The following THAP4 variants were observed in gnomAD, a reference collection of about 807,000 sequenced individuals.
THAP4 encodes the protein peroxynitrite isomerase THAP4.
THAP4 carries 18 observed loss-of-function variants against 48.1 expected under a neutral mutation model. The observed-to-expected ratio is 0.37, with a 90% CI of 0.26 to 0.56. The LOEUF is 0.56. Ranked by LOEUF, THAP4 falls within the 20% of genes least tolerant of loss-of-function variation. The probability of loss-of-function intolerance (pLI) is 0.78; values close to 1 mark genes in which losing one functional copy is unlikely to be tolerated. For synonymous variants in THAP4, 345 were observed against 324.9 expected, an observed-to-expected ratio of 1.06 and a Z score of -0.66; for missense variants, 656 against 774.9, an observed-to-expected ratio of 0.85 and a Z score of 1.82.
rs1236934088 is a variant in THAP4 at position 241,612,079 on chromosome 2, A to G, written c.1241-5606T>C. Among the ~76,000 whole-genome samples the G allele has an allele frequency of 6.6e-6, 1 of 152,162 alleles. No individual in the cohort carries two copies. Among genetic ancestry groups the G allele is most frequent in the East Asian group, 1.9e-4 (1 of 5,198 alleles). ...AAGAAAGACCACTAACTAAACATGT[A>G]AGAACTCAGGAGAGAAACGGCAAGG... On this transcript the variant is annotated intron_variant, in intron 2 of 5. Transcript: ENST00000407315. The surrounding 1 kb of genome is among the most constrained non-coding windows in gnomAD (Gnocchi z 4.1).
intron 1 of THAP4, among the ~76,000 whole-genome samples, 188 bp downstream of exon 1, chr2:241,636,753 G>A (rs1311910806): frequency 3.3e-5 from 5 of 150,820 alleles, no homozygotes; most frequent in African/African-American, 1.2e-4. Flanking sequence ...GGGCGGCTGC[G>A]CTGCCCGAGG....
chr2:241,627,537 C>T (rs2067508867), intron 2 of THAP4, among the ~76,000 whole-genome samples: 1 of 152,218 alleles, frequency 6.6e-6, no homozygotes, highest in African/African-American at 2.4e-5. Flanking sequence ...TGGCTTCAAC[C>T]CACCTCTGAA....
At chr2:241,599,635 C>T (rs1405192277) in intron 5 of THAP4, among the ~76,000 whole-genome samples, 1 of 151,886 alleles carries the variant, frequency 6.6e-6, no homozygotes, top group Non-Finnish European at 1.5e-5. Flanking sequence ...CAAAACATGA[C>T]CTAAAGTCAC....
chr2:241,609,256 G>C (rs2067230999), intron 2 of THAP4, among the ~76,000 whole-genome samples: 1 of 152,230 alleles, frequency 6.6e-6, no homozygotes, highest in Admixed American at 6.5e-5. Flanking sequence ...AAACACGTAA[G>C]AAAAGATGGT....
At chr2:241,623,007 G>C (rs1020212762) in intron 2 of THAP4, among the ~76,000 whole-genome samples, 4 of 149,814 alleles carry the variant, frequency 2.7e-5, no homozygotes, top group Non-Finnish European at 5.9e-5. Context: ...CACAATGTCA[G>C]GAGATCGAGA....
intron 5 of THAP4, chr2:241,594,691 GA>G (rs1207642910): frequency 1.0e-5 from 2 of 197,140 alleles, no homozygotes; most frequent in African/African-American, 4.7e-5. Flanking sequence ...CTGGGAGCCA[GA>G]AGTTGCAGCG....
intron 2 of THAP4, among the ~76,000 whole-genome samples, chr2:241,607,885 G>A (rs1170686627): frequency 8.1e-6 from 1 of 123,108 alleles, no homozygotes; most frequent in African/African-American, 3.3e-5. Flanking sequence ...CTCCAGGCCC[G>A]CGCAAGCAGA....
At chr2:241,615,831 C>A (rs1373906063) in intron 2 of THAP4, among the ~76,000 whole-genome samples, 3 of 152,324 alleles carry the variant, frequency 2.0e-5, no homozygotes, top group East Asian at 3.9e-4. Context: ...TCCCCGTGCC[C>A]CAAGCCCACG....
chr2:241,605,056 CT>C (rs1195804565), intron 3 of THAP4, among the ~76,000 whole-genome samples: 1 of 152,210 alleles, frequency 6.6e-6, no homozygotes, highest in Non-Finnish European at 1.5e-5. Flanking sequence ...AATTGACTTT[CT>C]GACCTTTTCG....
chr2:241,602,091 A>T, intron 4 of THAP4, 92 bp from the exon 5 acceptor site: 1 of 1,232,722 alleles, frequency 8.1e-7, no homozygotes, highest in Non-Finnish European at 1.1e-6. Flanking sequence ...GGGACTCCAC[A>T]GGAGGCCCCA....
chr2:241,620,573 G>A (rs566271370), intron 2 of THAP4, among the ~76,000 whole-genome samples: 1 of 144,984 alleles, frequency 6.9e-6, no homozygotes, highest in South Asian at 2.3e-4. Context: ...GAGTGAGTCG[G>A]TGAGTGAGGG....
intron 3 of THAP4, among the ~76,000 whole-genome samples, chr2:241,603,670 C>A (rs947511493): frequency 6.6e-6 from 1 of 152,228 alleles, no homozygotes; most frequent in Non-Finnish European, 1.5e-5. Context: ...TTGCAGTAAA[C>A]CTCACCCTAA....
intron 2 of THAP4, among the ~76,000 whole-genome samples, chr2:241,630,834 T>C (rs1221445230): frequency 6.6e-6 from 1 of 151,178 alleles, no homozygotes; most frequent in Non-Finnish European, 1.5e-5. Context: ...CTCACAACTG[T>C]AGCCAACATG....
At position 241,633,858 on chromosome 2, in the gene THAP4, G is replaced by C. The variant is rs1428386719; in HGVS notation, c.299C>G (p.Thr100Ser). 1.9e-6 allele frequency: 3 copies of C among 1,613,822 alleles called. No homozygotes were observed. Among genetic ancestry groups the C allele is most frequent in the Non-Finnish European group, 2.5e-6 (3 of 1,179,764 alleles). The change falls in exon 2 of 6, where the codon ACC becomes AGC. Residue 100 changes from threonine to serine, a missense_variant. By Grantham distance (58) the Thr-to-Ser change is moderately conservative. Around this residue, in one of 4 missense-constraint regions of THAP4, gnomAD observed 391 missense variants for 412.4 expected, o/e 0.95. Transcript: ENST00000407315. This position sits in a 1 kb window ranked among gnomAD's most constrained non-coding sequence, Gnocchi z 7.5. ...GGCCTTGCTGGCATCTTTTCTCCGG[G>C]TGCGGCCATGGCCTCCAGCCCCCCT... is the stretch of plus-strand genomic sequence containing the variant. ...KKRGAGGHGRTRRKDASKATG... is the reference protein window; with the variant it reads ...KKRGAGGHGRSRRKDASKATG...
intron 5 of THAP4, among the ~76,000 whole-genome samples, chr2:241,599,006 C>G (rs2067082227): frequency 6.6e-6 from 1 of 151,946 alleles, no homozygotes; most frequent in African/African-American, 2.4e-5. Context: ...AATCCCAACA[C>G]TTTAGGAAGC....
chr2:241,635,525 C>A (rs1298740512), intron 1 of THAP4, among the ~76,000 whole-genome samples: 4 of 152,124 alleles, frequency 2.6e-5, no homozygotes, highest in Non-Finnish European at 4.4e-5. Flanking sequence ...GAGGCCGAGG[C>A]GGGTGGATCA....
intron 2 of THAP4, among the ~76,000 whole-genome samples, chr2:241,620,418 AGTGAGGG>A (rs369969203): frequency 1.1e-4 from 9 of 81,688 alleles, no homozygotes; most frequent in Non-Finnish European, 1.4e-4. Context: ...TGAGTCGGTG[AGTGAGGG>A]GTGAGGGGTG....
chr2:241,619,168 C>T lies in THAP4; in HGVS notation c.1241-12695G>A, dbSNP rs191467037. Among the ~76,000 whole-genome samples the T allele has an allele frequency of 4.0e-3, 605 of 152,294 alleles. 6 individuals carry two copies. Among genetic ancestry groups the T allele is most frequent in the Middle Eastern group, 0.031 (9 of 294 alleles). On this transcript the variant is annotated intron_variant, in intron 2 of 5. Coordinates refer to ENST00000407315, the MANE Select transcript of THAP4 (RefSeq NM_015963.6). ...TGGGTGGGAGTGGAAAGGGCCCAGG[C>T]GCAGGCTGTGGAAGGCATGCTCGGA...
chr2:241,615,236 C>T (rs1364136456), intron 2 of THAP4, among the ~76,000 whole-genome samples: 6 of 152,074 alleles, frequency 3.9e-5, no homozygotes, highest in South Asian at 2.1e-4. Context: ...GAACCTGGAC[C>T]GCTGGACGTG....
Sources: gnomAD v4.1 joint callset for allele counts (sites outside exome capture counted in the v4.1 genomes callset) on GRCh38, gnomAD v4.1.1 for gene constraint, gnomAD v4.1.1 regional missense constraint, Gnocchi (gnomAD v3.1) non-coding constraint, MANE v1.5 for transcripts, NCBI Gene and HGNC (gene_info 2026-07-23, HGNC 2026-07-21) for gene names.